Variants in MTMR3 observed in about 807,000 individuals in gnomAD.
MTMR3 encodes the protein phosphatidylinositol-3,5-bisphosphate 3-phosphatase MTMR3.
A neutral mutation model predicts 132.4 loss-of-function variants in MTMR3; 32 were observed. That is an observed-to-expected ratio of 0.24 (90% CI 0.18 to 0.32). MTMR3 has a LOEUF of 0.32. Among genes scored for constraint, MTMR3 ranks in the 10% least tolerant of loss-of-function variants. The probability of loss-of-function intolerance (pLI) is 1.00; values close to 1 mark genes in which losing one functional copy is unlikely to be tolerated. For synonymous variants in MTMR3, 556 were observed against 550.3 expected (o/e 1.01, Z -0.14); for missense variants, 1,216 against 1,489.6 (o/e 0.82, Z 3.02).
intron 1 of MTMR3, among the ~76,000 whole-genome samples, chr22:29,946,551 G>T (rs1455842077): frequency 2.0e-5 from 3 of 152,160 alleles, no homozygotes; most frequent in Non-Finnish European, 4.4e-5. Flanking sequence ...GTCTTATGAA[G>T]AAAAATGAGG....
chr22:29,950,589 C>T (rs966532533), intron 1 of MTMR3, among the ~76,000 whole-genome samples: 4 of 152,084 alleles, frequency 2.6e-5, no homozygotes, highest in African/African-American at 9.7e-5. Flanking sequence ...GTCTCAAACT[C>T]CTCACCGCGT....
Position 30,025,955 on chromosome 22 carries a change from T to C in MTMR3, c.*154T>C. 1 of 678,476 alleles carries C rather than the reference T, an allele frequency of 1.5e-6. No homozygotes were observed. The highest frequency in any genetic ancestry group is 2.2e-5 in the South Asian group (1 of 45,898). 42.0% of individuals were successfully genotyped at this position (678,476 alleles called of 1,614,324 possible). A position where few individuals can be genotyped will look rare whatever the true frequency, so the allele number is the denominator to read the frequency against. ...TTGGGATGCACCACTGGATTGTAGA[T>C]TGATTTTTCTTTCCTGTCCCCCTAC... On this transcript the variant is annotated 3_prime_UTR_variant, in exon 20 of 20. Transcript: ENST00000401950.
intron 15 of MTMR3, 66 bp from the exon 16 acceptor site, chr22:30,017,861 T>A: frequency 6.3e-7 from 1 of 1,597,370 alleles, no homozygotes; most frequent in Non-Finnish European, 8.5e-7. Context: ...CTCTTGATCC[T>A]CATTTCCAGA....
At chr22:29,982,301 G>C (rs1188835926) in intron 5 of MTMR3, 1 of 150,010 alleles carries the variant, frequency 6.7e-6, no homozygotes, top group East Asian at 2.0e-4. Flanking sequence ...ATCACAGCTA[G>C]TGCTAAGAGA....
At chr22:29,887,447 T>C (rs151277461) in intron 1 of MTMR3, among the ~76,000 whole-genome samples, 2 of 152,362 alleles carry the variant, frequency 1.3e-5, no homozygotes, top group African/African-American at 4.8e-5. Flanking sequence ...CTTTGAAGAA[T>C]TGGCTTGTGG....
At chr22:30,009,773 A>G (rs2067365467) in intron 12 of MTMR3, 1 of 152,230 alleles carries the variant, frequency 6.6e-6, no homozygotes, top group African/African-American at 2.4e-5. Flanking sequence ...TAAAACAAAT[A>G]TGGACAGATA....
chr22:29,984,211 T>C (rs1404557598), intron 5 of MTMR3: 1 of 152,182 alleles, frequency 6.6e-6, no homozygotes, highest in Non-Finnish European at 1.5e-5. Flanking sequence ...ACTCTTTTAC[T>C]GCCATTTTAA....
intron 1 of MTMR3, among the ~76,000 whole-genome samples, chr22:29,937,374 C>T (rs2065769878): frequency 6.6e-6 from 1 of 151,228 alleles, no homozygotes; most frequent in Non-Finnish European, 1.5e-5. Flanking sequence ...TGTTCTATTC[C>T]TTTTTTTGTG....
In MTMR3 at chr22:29,979,019, A is replaced by G. The variant is rs565057717; in HGVS notation, c.177A>G (p.Arg59=). The G allele has an allele frequency of 1.2e-5, 20 of 1,613,262 alleles. No individual in the cohort carries two copies. In the South Asian group the frequency reaches 2.2e-4, roughly 18 times the overall value. Reference sequence around the variant, plus strand: ...CCATCATTGCCCTTTCCAATTACAGACTTCACATCAAGTTCAAGGAGTCTC... The same window carrying G: ...CCATCATTGCCCTTTCCAATTACAGGCTTCACATCAAGTTCAAGGAGTCTC... The part of the protein sequence containing the change: ...EDAIIALSNY[R]LHIKFKESLV... The change falls in exon 5 of 20, where the codon AGA becomes AGG. Residue 59 remains arginine (R), a synonymous_variant. Transcript: ENST00000401950.
chr22:29,953,084 TC>T (rs1249894299), intron 1 of MTMR3, among the ~76,000 whole-genome samples: 1 of 152,182 alleles, frequency 6.6e-6, no homozygotes, highest in African/African-American at 2.4e-5. Context: ...TGTAAAAAAA[TC>T]TATTTTAACA....
chr22:30,023,784 A>G, intron 19 of MTMR3: 1 of 410,064 alleles, frequency 2.4e-6, no homozygotes, highest in Non-Finnish European at 4.5e-6. Flanking sequence ...GGGTTTTCAG[A>G]GCTATTTATT....
intron 1 of MTMR3, among the ~76,000 whole-genome samples, chr22:29,907,754 C>G (rs2065131152): frequency 6.6e-6 from 1 of 152,154 alleles, no homozygotes; most frequent in Admixed American, 6.5e-5. Context: ...CTTACTAAAA[C>G]AAGTGAATGG....
intron 6 of MTMR3, chr22:29,989,528 A>G (rs569045033): frequency 6.6e-6 from 1 of 152,220 alleles, no homozygotes; most frequent in East Asian, 1.9e-4. Context: ...TACCCGGCCA[A>G]TCTGGAACAT....
At chr22:29,930,169 T>C (rs2065613785) in intron 1 of MTMR3, among the ~76,000 whole-genome samples, 1 of 152,234 alleles carries the variant, frequency 6.6e-6, no homozygotes, top group African/African-American at 2.4e-5. Context: ...CAAAATTCAC[T>C]TCGTATATTT....
chr22:29,974,291 A>T lies in MTMR3; in HGVS notation c.3+3229A>T, dbSNP rs7291270. 4.5e-3 allele frequency among the ~76,000 whole-genome samples: 681 copies of T among 152,338 alleles called. 6 individuals carry two copies. The highest frequency in any genetic ancestry group is 0.015 in the African/African-American group (643 of 41,562). ...CCTTCCTCACCTATGAAACTCACAG[A>T]AACTATAATAAATTCAGGCTAATTC... On this transcript the variant is annotated intron_variant, in intron 3 of 19. Transcript: ENST00000401950.
intron 1 of MTMR3, among the ~76,000 whole-genome samples, chr22:29,889,562 C>T (rs540895583): frequency 2.0e-5 from 3 of 152,016 alleles, no homozygotes; most frequent in South Asian, 4.2e-4. Context: ...GGTGGGATTA[C>T]AGGCGTGAGC....
At chr22:29,947,726 C>G (rs1742598874) in intron 1 of MTMR3, among the ~76,000 whole-genome samples, 1 of 152,096 alleles carries the variant, frequency 6.6e-6, no homozygotes, top group Non-Finnish European at 1.5e-5. Context: ...TTGATGAATT[C>G]TACTTTTTGG....
chr22:30,010,487 G>A (rs1398993080), intron 12 of MTMR3: 1 of 152,240 alleles, frequency 6.6e-6, no homozygotes, highest in South Asian at 2.1e-4. Context: ...TAGCAGTGAT[G>A]GGCAGCTGTA....
chr22:29,891,656 C>T (rs1382456762), intron 1 of MTMR3, among the ~76,000 whole-genome samples: 1 of 152,018 alleles, frequency 6.6e-6, no homozygotes, highest in African/African-American at 2.4e-5. Context: ...TGATCTGGAA[C>T]TCCTGGCTTC....
Sources: gnomAD v4.1 joint callset for allele counts (sites outside exome capture counted in the v4.1 genomes callset) on GRCh38, gnomAD v4.1.1 for gene constraint, MANE v1.5 for transcripts, NCBI Gene and HGNC (gene_info 2026-07-23, HGNC 2026-07-21) for gene names.